The following OR3A2 variants were observed in gnomAD, a reference collection of about 807,000 sequenced individuals.
The protein encoded by OR3A2 is olfactory receptor family 3 subfamily A member 2, also known as olfactory receptor 3A2.
For missense variants in OR3A2, 318 were observed against 392.8 expected (o/e 0.81, Z 1.61); for synonymous variants, 126 against 159.3 (o/e 0.79, Z 1.57).
At chr17:3,356,987 C>T (rs942264354) in intron 2 of OR3A2, among the ~76,000 whole-genome samples, 1 of 151,704 alleles carries the variant, frequency 6.6e-6, no homozygotes, top group Non-Finnish European at 1.5e-5. Context: ...GAACTGGAAG[C>T]TTATCAGTTT....
Position 3,368,244 on chromosome 17 carries a change from T to A in OR3A2, c.-179+15560A>T, listed in dbSNP as rs531357728. Among the ~76,000 whole-genome samples, 266 of 152,360 alleles carry A rather than the reference T, an allele frequency of 1.7e-3. 1 individual carries two copies. The highest frequency in any genetic ancestry group is 5.8e-3 in the African/African-American group (240 of 41,594). ...GCATAAGCTTTTTAGTTTAATTAAA[T>A]ACCATCTATTTATCTTTGTTTTTAT... On this transcript the variant is annotated intron_variant, in intron 2 of 4. Transcript: ENST00000573491.
intron 3 of OR3A2, chr17:3,291,080 T>A (rs1156836491): frequency 6.6e-6 from 1 of 152,312 alleles, no homozygotes; most frequent in African/African-American, 2.4e-5. Flanking sequence ...CAGCTTCCCC[T>A]CTGTCCCCTG....
At position 3,279,629 on chromosome 17, in the gene OR3A2, A is replaced by G. The variant is rs191825245; in HGVS notation, c.-6-706T>C. On this transcript the variant is annotated intron_variant, in intron 1 of 1. Transcript: ENST00000642052. ...TCCAACATGGTGAAACCACATCTCT[A>G]CTACAAAAATTAGCTTCGTGTGGTG... Among the ~76,000 whole-genome samples, 44 of 152,236 alleles carry G rather than the reference A, an allele frequency of 2.9e-4. No individual in the cohort carries two copies. In the East Asian group the frequency reaches 7.0e-3, roughly 24 times the overall value.
chr17:3,384,005 GAATA>G (rs1242802675), intron 1 of OR3A2: 2 of 83,980 alleles, frequency 2.4e-5, no homozygotes, highest in Admixed American at 1.6e-4. Flanking sequence ...AATATTTATT[GAATA>G]AATATTGTAT....
intron 3 of OR3A2, among the ~76,000 whole-genome samples, chr17:3,312,478 C>G (rs1407191262): frequency 6.6e-6 from 1 of 152,142 alleles, no homozygotes; most frequent in African/African-American, 2.4e-5. Context: ...AAAACTGCAG[C>G]CCCTTTCTGA....
At chr17:3,362,185 T>G (rs556586034) in intron 2 of OR3A2, among the ~76,000 whole-genome samples, 1 of 151,782 alleles carries the variant, frequency 6.6e-6, no homozygotes, top group East Asian at 1.9e-4. Context: ...TTCTTCTAGA[T>G]TTTCTAGTTT....
At chr17:3,314,751 T>C (rs2049068006) in intron 3 of OR3A2, among the ~76,000 whole-genome samples, 1 of 152,368 alleles carries the variant, frequency 6.6e-6, no homozygotes, top group South Asian at 2.1e-4. Flanking sequence ...TGTTACTTGG[T>C]AATACTGCAT....
At chr17:3,363,247 C>T (rs1567568541) in intron 2 of OR3A2, among the ~76,000 whole-genome samples, 2 of 151,772 alleles carry the variant, frequency 1.3e-5, no homozygotes, top group Admixed American at 1.3e-4. Flanking sequence ...CTATTTCTTT[C>T]TTCATGCATA....
intron 2 of OR3A2, among the ~76,000 whole-genome samples, chr17:3,347,439 C>G (rs1465484972): frequency 6.6e-6 from 1 of 152,172 alleles, no homozygotes; most frequent in Non-Finnish European, 1.5e-5. Context: ...GTTCCCCTTC[C>G]TGTGTCCATG....
intron 2 of OR3A2, among the ~76,000 whole-genome samples, chr17:3,383,499 C>T (rs774803638): frequency 6.6e-6 from 1 of 152,190 alleles, no homozygotes; most frequent in Non-Finnish European, 1.5e-5. Context: ...AGTGGGTCCA[C>T]GTTTCCACAG....
At chr17:3,369,811 T>TTTTTTC (rs2049597316) in intron 2 of OR3A2, among the ~76,000 whole-genome samples, 2 of 150,996 alleles carry the variant, frequency 1.3e-5, no homozygotes, top group African/African-American at 4.9e-5. Flanking sequence ...GGTACTTTTT[T>TTTTTTC]TTTTTTTTTT....
At chr17:3,364,789 C>T (rs558015178) in intron 2 of OR3A2, among the ~76,000 whole-genome samples, 2 of 152,266 alleles carry the variant, frequency 1.3e-5, no homozygotes, top group South Asian at 2.1e-4. Context: ...GATGTCTACA[C>T]TCCCATGTTC....
At chr17:3,353,993 C>T (rs749787165) in intron 2 of OR3A2, among the ~76,000 whole-genome samples, 16 of 151,638 alleles carry the variant, frequency 1.1e-4, no homozygotes, top group Non-Finnish European at 2.2e-4. Flanking sequence ...TTTATTTGCA[C>T]ATTTTGCACC....
intron 3 of OR3A2, among the ~76,000 whole-genome samples, chr17:3,325,849 G>T (rs1042936285): frequency 3.7e-4 from 57 of 152,118 alleles, no homozygotes; most frequent in African/African-American, 1.4e-3. Flanking sequence ...TACATAGGTA[G>T]ATGTGTGCCA....
chr17:3,345,408 A>T (rs1181797901), intron 2 of OR3A2, among the ~76,000 whole-genome samples: 2 of 136,788 alleles, frequency 1.5e-5, no homozygotes, highest in African/African-American at 5.6e-5. Flanking sequence ...CAAAAACAAG[A>T]GAAAAAAAGG....
intron 2 of OR3A2, among the ~76,000 whole-genome samples, chr17:3,337,854 T>A (rs1480932033): frequency 2.6e-5 from 4 of 152,214 alleles, no homozygotes; most frequent in East Asian, 1.9e-4. Flanking sequence ...CGCCATACTG[T>A]CTTCCACAAT....
At chr17:3,345,009 G>T (rs2049350478) in intron 2 of OR3A2, among the ~76,000 whole-genome samples, 1 of 152,074 alleles carries the variant, frequency 6.6e-6, no homozygotes, top group Admixed American at 6.6e-5. Flanking sequence ...TCCTCAAGTG[G>T]GCTAAAGAGA....
rs554992508 is a variant in OR3A2 at position 3,312,605 on chromosome 17, A to C, written c.-85+23428T>G. 3.3e-5 allele frequency among the ~76,000 whole-genome samples: 5 copies of C among 152,306 alleles called. No homozygotes were observed. In the East Asian group the frequency reaches 7.7e-4, roughly 23 times the overall value. On this transcript the variant is annotated intron_variant, in intron 3 of 4. Transcript: ENST00000573491. ...GTATCACTGTATGTTCCCTGAGAAG[A>C]AGCATTAATAACTAGTAAGATAGAT...
chr17:3,334,146 C>T (rs1411129718), intron 3 of OR3A2, among the ~76,000 whole-genome samples: 2 of 152,156 alleles, frequency 1.3e-5, no homozygotes, highest in Non-Finnish European at 2.9e-5. Flanking sequence ...AGCGCTTTTA[C>T]ATTGTTAGTG....
Sources: allele counts gnomAD v4.1 joint callset (sites outside exome capture counted in the v4.1 genomes callset), GRCh38; gene constraint gnomAD v4.1.1; transcripts MANE v1.5; gene names NCBI Gene and HGNC (gene_info 2026-07-23, HGNC 2026-07-21).